PCSK5: variants seen among roughly 807,000 people sequenced by gnomAD.
PCSK5 encodes proprotein convertase subtilisin/kexin type 5.
A neutral mutation model predicts 233.2 loss-of-function variants in PCSK5; 129 were observed. That is an observed-to-expected ratio of 0.55 (90% confidence interval 0.48 to 0.64). The LOEUF is 0.64. PCSK5 is among the 30% of genes least tolerant of loss of function. The pLI, the probability that PCSK5 is intolerant of heterozygous loss-of-function variation, is 0.00. For missense variants in PCSK5, 2,076 were observed against 2,430.1 expected, an observed-to-expected ratio of 0.85 and a Z score of 3.06; for synonymous variants, 825 against 879.2, an observed-to-expected ratio of 0.94 and a Z score of 1.09.
chr9:76,205,192 T>C (rs778251619), intron 20 of PCSK5: 2 of 518,866 alleles, frequency 3.9e-6, no homozygotes, highest in African/African-American at 3.9e-5. Flanking sequence ...ATCTCACTAC[T>C]AGGTTAGCCC....
intron 24 of PCSK5, among the ~76,000 whole-genome samples, chr9:76,259,487 A>ACT (rs1491056623): frequency 6.7e-6 from 1 of 150,010 alleles, no homozygotes; most frequent in South Asian, 2.1e-4. Flanking sequence ...ACACACACAC[A>ACT]CTCACTTCAG....
At chr9:76,335,201 C>G (rs1459040399) in intron 34 of PCSK5, among the ~76,000 whole-genome samples, 1 of 152,212 alleles carries the variant, frequency 6.6e-6, no homozygotes, top group African/African-American at 2.4e-5. Context: ...TCAGTAAACA[C>G]TCTCAAACAC....
intron 2 of PCSK5, among the ~76,000 whole-genome samples, chr9:75,943,393 AC>A (rs1226835692): frequency 2.0e-5 from 3 of 152,338 alleles, no homozygotes; most frequent in East Asian, 3.9e-4. Context: ...CCCAGCAACA[AC>A]AAAAAACTCA....
At chr9:75,902,614 C>T (rs940151907) in intron 1 of PCSK5, among the ~76,000 whole-genome samples, 17 of 151,964 alleles carry the variant, frequency 1.1e-4, no homozygotes, top group African/African-American at 2.7e-4. Flanking sequence ...AGAGAACAGG[C>T]GAAGTCTAAT....
chr9:76,254,287 G>A (rs553455459), intron 24 of PCSK5, among the ~76,000 whole-genome samples: 1 of 152,292 alleles, frequency 6.6e-6, no homozygotes, highest in South Asian at 2.1e-4. Context: ...TGGGTCATGG[G>A]ACTGTTGCTG....
chr9:76,109,859 C>A (rs540221747), intron 9 of PCSK5, among the ~76,000 whole-genome samples: 1 of 152,266 alleles, frequency 6.6e-6, no homozygotes, highest in East Asian at 1.9e-4. Context: ...AAGGGTGGGT[C>A]AGATATTGAT....
chr9:75,941,787 G>T (rs367845146), intron 2 of PCSK5, among the ~76,000 whole-genome samples: 1 of 152,182 alleles, frequency 6.6e-6, no homozygotes, highest in East Asian at 1.9e-4. Flanking sequence ...GCATGTGGGT[G>T]CCGGGTCCAC....
chr9:75,979,597 C>A (rs545158379), intron 2 of PCSK5, among the ~76,000 whole-genome samples: 16 of 152,270 alleles, frequency 1.1e-4, no homozygotes, highest in African/African-American at 3.8e-4. Flanking sequence ...TGAGGGATTG[C>A]AATAGGCATC....
chr9:76,112,829 G>C (rs139203445), intron 9 of PCSK5, among the ~76,000 whole-genome samples: 15 of 152,018 alleles, frequency 9.9e-5, no homozygotes, highest in African/African-American at 3.6e-4. Flanking sequence ...TCGTTCTGGG[G>C]GAAGGGTTGT....
chr9:76,081,000 A>G (rs1830812950), intron 7 of PCSK5, among the ~76,000 whole-genome samples: 1 of 152,214 alleles, frequency 6.6e-6, no homozygotes, highest in African/African-American at 2.4e-5. Flanking sequence ...ATAATGACCT[A>G]TGTAAGTGGG....
chr9:76,071,096 T>C (rs1830465529), intron 6 of PCSK5, among the ~76,000 whole-genome samples: 1 of 152,204 alleles, frequency 6.6e-6, no homozygotes, highest in Non-Finnish European at 1.5e-5. Context: ...TTCCTATCTG[T>C]TTGATAGAAA....
At chr9:76,079,342 T>C (rs1830754474) in intron 7 of PCSK5, among the ~76,000 whole-genome samples, 1 of 152,034 alleles carries the variant, frequency 6.6e-6, no homozygotes, top group Non-Finnish European at 1.5e-5. Flanking sequence ...TTTCACCATG[T>C]TGGCCGGGTT....
At chr9:75,920,721 A>G (rs62555870) in intron 1 of PCSK5, among the ~76,000 whole-genome samples, 17,420 of 152,058 alleles carry the variant, frequency 0.11, 1,587 homozygotes, top group African/African-American at 0.25. Flanking sequence ...CACAAGAATC[A>G]CTTGAACCTG....
intron 7 of PCSK5, among the ~76,000 whole-genome samples, chr9:76,088,336 C>T (rs1245032209): frequency 6.6e-6 from 1 of 152,164 alleles, no homozygotes; most frequent in Non-Finnish European, 1.5e-5. Flanking sequence ...GGAATTTTTG[C>T]TTGGAAACAA....
At chr9:76,167,973 CTTTT>C (rs1007462922) in intron 12 of PCSK5, among the ~76,000 whole-genome samples, 6 of 152,062 alleles carry the variant, frequency 3.9e-5, no homozygotes, top group African/African-American at 1.2e-4. Flanking sequence ...ATATTTTACT[CTTTT>C]TTTATTTTTT....
intron 3 of PCSK5, among the ~76,000 whole-genome samples, chr9:76,001,319 A>C (rs147704106): frequency 6.6e-6 from 1 of 152,030 alleles, no homozygotes; most frequent in Admixed American, 6.6e-5. Context: ...TATTTGTTCA[A>C]AATTAATTGA....
intron 24 of PCSK5, among the ~76,000 whole-genome samples, chr9:76,291,770 T>C (rs1482273985): frequency 6.6e-6 from 1 of 152,192 alleles, no homozygotes; most frequent in African/African-American, 2.4e-5. Context: ...AAAATAATTG[T>C]GCAGATTTCG....
chr9:76,314,470 T>A (rs1218485842), intron 30 of PCSK5, among the ~76,000 whole-genome samples: 1 of 152,206 alleles, frequency 6.6e-6, no homozygotes, highest in African/African-American at 2.4e-5. Flanking sequence ...TTTATTGCTG[T>A]TTCTGAGAAA....
rs573292104 is a variant in PCSK5, at chr9:76,089,393, C to T, written c.895-6497C>T. Among the ~76,000 whole-genome samples the T allele has an allele frequency of 6.6e-5, 10 of 152,306 alleles. No homozygotes were observed. The South Asian group carries it at 2.1e-3, about 32-fold the overall frequency. ...GTCGACATATACAGATCCAGAGGTT[C>T]TGATCAGATGCAGGGTCTCGACCTC... On this transcript the variant is annotated intron_variant, in intron 7 of 37. Coordinates refer to ENST00000674117, the MANE Select transcript of PCSK5 (RefSeq NM_001372043.1).
Sources: gnomAD v4.1 joint callset for allele counts (sites outside exome capture counted in the v4.1 genomes callset) on GRCh38, gnomAD v4.1.1 for gene constraint, MANE v1.5 for transcripts, NCBI Gene and HGNC (gene_info 2026-07-23, HGNC 2026-07-21) for gene names.